The following ZFAND3 variants were observed in gnomAD, a reference collection of about 807,000 sequenced individuals.
ZFAND3 encodes the protein AN1-type zinc finger protein 3.
In ZFAND3, 10 loss-of-function variants were observed where a neutral mutation model predicts 29.6. The ratio of observed to expected loss-of-function variants is 0.34; its 90% CI spans 0.21 to 0.57. The LOEUF (loss-of-function observed/expected upper bound fraction) is 0.57, where lower values mean the gene tolerates loss of function less well. Ranked by LOEUF, ZFAND3 falls within the 20% of genes least tolerant of loss-of-function variation. The probability of loss-of-function intolerance (pLI) is 0.86; values close to 1 mark genes in which losing one functional copy is unlikely to be tolerated. For missense variants in ZFAND3, 230 were observed against 304.5 expected, an observed-to-expected ratio of 0.76 and a Z score of 1.82; for synonymous variants, 128 against 112.6, an observed-to-expected ratio of 1.14 and a Z score of -0.87.
At chr6:38,043,404 C>CCTCTCCTCCATTTCTCTTCTCTCCCCTT (rs1369595489) in intron 2 of ZFAND3, among the ~76,000 whole-genome samples, 2 of 149,312 alleles carry the variant, frequency 1.3e-5, no homozygotes, top group African/African-American at 5.0e-5. Context: ...GCTCCCCTTC[C>CCTCTCCTCCATTTCTCTTCTCTCCCCTT]CTCTCCTCCC....
intron 1 of ZFAND3, among the ~76,000 whole-genome samples, chr6:37,889,599 C>T (rs549052241): frequency 6.6e-6 from 1 of 152,296 alleles, no homozygotes; most frequent in South Asian, 2.1e-4. Flanking sequence ...GAAAGGCATA[C>T]AAAGTTGATA....
At chr6:37,987,426 A>G (rs1266959085) in intron 2 of ZFAND3, among the ~76,000 whole-genome samples, 1 of 152,242 alleles carries the variant, frequency 6.6e-6, no homozygotes, top group East Asian at 1.9e-4. Context: ...AATTCATTTT[A>G]TAGAAACTTT....
intron 1 of ZFAND3, among the ~76,000 whole-genome samples, chr6:37,907,810 A>C (rs1188357891): frequency 1.3e-5 from 2 of 152,206 alleles, no homozygotes; most frequent in African/African-American, 4.8e-5. Flanking sequence ...TTGACTATTA[A>C]CATTTGCCTG....
intron 2 of ZFAND3, among the ~76,000 whole-genome samples, chr6:38,031,717 TTGAGA>T (rs1330240972): frequency 6.6e-6 from 1 of 152,258 alleles, no homozygotes; most frequent in Non-Finnish European, 1.5e-5. Context: ...TGTTGGTTAA[TTGAGA>T]TAACACTTAA....
At chr6:38,028,615 G>A (rs1763492698) in intron 2 of ZFAND3, among the ~76,000 whole-genome samples, 1 of 152,126 alleles carries the variant, frequency 6.6e-6, no homozygotes, top group Admixed American at 6.5e-5. Flanking sequence ...TGCGACTAAA[G>A]TCTGCCTGAC....
At chr6:38,017,463 A>G (rs1763271608) in intron 2 of ZFAND3, among the ~76,000 whole-genome samples, 1 of 152,188 alleles carries the variant, frequency 6.6e-6, no homozygotes, top group Non-Finnish European at 1.5e-5. Flanking sequence ...CAGTGTTTTT[A>G]AAATAAAGTC....
At chr6:38,053,929 C>T (rs1277672535) in intron 2 of ZFAND3, among the ~76,000 whole-genome samples, 1 of 150,856 alleles carries the variant, frequency 6.6e-6, no homozygotes, top group Non-Finnish European at 1.5e-5. Flanking sequence ...GGAGGAAGGG[C>T]AGAAGACAAG....
rs373592082 is a variant in ZFAND3 at position 38,030,742 on chromosome 6, C to T, written c.113-30851C>T. On this transcript the variant is annotated intron_variant, in intron 2 of 5. Coordinates refer to ENST00000287218, the MANE Select transcript of ZFAND3 (RefSeq NM_021943.3). ...TTATCCAAACAAAAACCAAGGGAGTCTATGACCTACAGGTCTGCATTGAAA... is the reference window on the plus strand; with the variant it reads ...TTATCCAAACAAAAACCAAGGGAGTTTATGACCTACAGGTCTGCATTGAAA... Among the ~76,000 whole-genome samples, 4 of 151,960 alleles carry T rather than the reference C, an allele frequency of 2.6e-5. No homozygotes were observed. The East Asian group carries it at 7.7e-4, about 29-fold the overall frequency.
intron 3 of ZFAND3, among the ~76,000 whole-genome samples, chr6:38,066,432 C>T (rs893210821): frequency 6.6e-6 from 1 of 152,198 alleles, no homozygotes; most frequent in Non-Finnish European, 1.5e-5. Context: ...AGAATTTCAT[C>T]TGTGGGTTCC....
At chr6:37,911,906 A>G (rs1765527451) in intron 1 of ZFAND3, among the ~76,000 whole-genome samples, 1 of 152,094 alleles carries the variant, frequency 6.6e-6, no homozygotes, top group African/African-American at 2.4e-5. Flanking sequence ...CAGTCAGTTG[A>G]GTAGAGTGTT....
chr6:37,864,049 A>G (rs1412820141), intron 1 of ZFAND3, among the ~76,000 whole-genome samples: 1 of 152,178 alleles, frequency 6.6e-6, no homozygotes, highest in African/African-American at 2.4e-5. Flanking sequence ...GGGGTTTGCA[A>G]CTCAAAATTT....
intron 1 of ZFAND3, among the ~76,000 whole-genome samples, chr6:37,828,555 G>A (rs1763799594): frequency 6.6e-6 from 1 of 152,196 alleles, no homozygotes; most frequent in Non-Finnish European, 1.5e-5. Context: ...AAATAAACCA[G>A]AGGTAGGAGA....
intron 2 of ZFAND3, among the ~76,000 whole-genome samples, chr6:37,987,471 GA>G (rs1425698652): frequency 1.3e-5 from 2 of 152,174 alleles, no homozygotes; most frequent in African/African-American, 4.8e-5. Context: ...TAAAGATGAT[GA>G]TACCTATAAT....
intron 3 of ZFAND3, among the ~76,000 whole-genome samples, chr6:38,073,849 T>G (rs991534979): frequency 6.6e-6 from 1 of 152,202 alleles, no homozygotes; most frequent in Non-Finnish European, 1.5e-5. Context: ...ATGAAACATG[T>G]TTTTACTCTT....
intron 3 of ZFAND3, among the ~76,000 whole-genome samples, chr6:38,078,660 T>G (rs1308140945): frequency 6.6e-6 from 1 of 152,158 alleles, no homozygotes; most frequent in Non-Finnish European, 1.5e-5. Flanking sequence ...GGCTAGAAGA[T>G]AATGGTTTTA....
chr6:38,089,794 A>G (rs567617916), intron 4 of ZFAND3, among the ~76,000 whole-genome samples: 1 of 152,328 alleles, frequency 6.6e-6, no homozygotes, highest in African/African-American at 2.4e-5. Context: ...GTATTGTTCA[A>G]TATTACACAC....
At chr6:38,044,905 T>A (rs57630694) in intron 2 of ZFAND3, among the ~76,000 whole-genome samples, 14,160 of 152,068 alleles carry the variant, frequency 0.093, 834 homozygotes, top group East Asian at 0.29. Flanking sequence ...CTGCTTTTGT[T>A]GTATTGTAGC....
intron 2 of ZFAND3, among the ~76,000 whole-genome samples, chr6:37,942,775 A>G (rs1761834375): frequency 2.7e-5 from 4 of 146,734 alleles, no homozygotes; most frequent in Admixed American, 2.0e-4. Context: ...CACGTCATAG[A>G]GAGACACTTC....
At chr6:37,944,252 C>G (rs1445983912) in intron 2 of ZFAND3, among the ~76,000 whole-genome samples, 1 of 152,086 alleles carries the variant, frequency 6.6e-6, no homozygotes. Context: ...ACAAGAAGAA[C>G]TAAAACGTCC....
Sources: allele counts gnomAD v4.1 joint callset (sites outside exome capture counted in the v4.1 genomes callset), GRCh38; gene constraint gnomAD v4.1.1; transcripts MANE v1.5; gene names NCBI Gene and HGNC (gene_info 2026-07-23, HGNC 2026-07-21).